The following SH3PXD2B variants were observed in gnomAD, a reference collection of about 807,000 sequenced individuals.
The protein encoded by SH3PXD2B is SH3 and PX domains 2B, also known as SH3 and PX domain-containing protein 2B.
A neutral mutation model predicts 73.1 loss-of-function variants in SH3PXD2B; 37 were observed. The ratio of observed to expected loss-of-function variants is 0.51; its 90% confidence interval spans 0.39 to 0.67. The LOEUF (loss-of-function observed/expected upper bound fraction) is 0.67, where lower values mean the gene tolerates loss of function less well. Ranked by LOEUF, SH3PXD2B falls within the 30% of genes least tolerant of loss-of-function variation. The pLI is 0.00. For synonymous variants in SH3PXD2B, 457 were observed against 480.5 expected (o/e 0.95, Z 0.64); for missense variants, 1,053 against 1,197.8 (o/e 0.88, Z 1.78).
chr5:172,387,585 C>T (rs1438465072), intron 4 of SH3PXD2B, among the ~76,000 whole-genome samples: 1 of 152,150 alleles, frequency 6.6e-6, no homozygotes, highest in Non-Finnish European at 1.5e-5. Flanking sequence ...TTAGGATGAG[C>T]TGATCCTGCC....
chr5:172,426,531 T>C (rs1323958184), intron 1 of SH3PXD2B, among the ~76,000 whole-genome samples: 3 of 152,216 alleles, frequency 2.0e-5, no homozygotes, highest in Non-Finnish European at 4.4e-5. Context: ...GTCTAGTACC[T>C]TCCCCTCCCC....
At chr5:172,394,699 C>T (rs1758257666) in intron 3 of SH3PXD2B, 60 bp from the exon 4 acceptor site, 1 of 1,580,212 alleles carries the variant, frequency 6.3e-7, no homozygotes, top group East Asian at 2.2e-5. Context: ...TCTCAGCAAC[C>T]TGAGAGGGTG....
chr5:172,403,415 C>T (rs1036867599), intron 3 of SH3PXD2B, among the ~76,000 whole-genome samples: 1 of 152,196 alleles, frequency 6.6e-6, no homozygotes, highest in Non-Finnish European at 1.5e-5. Context: ...CTGCCTTGGC[C>T]TCACCCTCGG....
At chr5:172,426,807 A>G (rs1009865503) in intron 1 of SH3PXD2B, among the ~76,000 whole-genome samples, 2 of 152,220 alleles carry the variant, frequency 1.3e-5, no homozygotes, top group Non-Finnish European at 2.9e-5. Context: ...CACAGAAGAA[A>G]GCAGAGCCAG....
chr5:172,416,630 CTTTT>C lies in SH3PXD2B; in HGVS notation c.156+5782_156+5785del, dbSNP rs144781943. Among the ~76,000 whole-genome samples the C allele has an allele frequency of 1.5e-3, 164 of 111,058 alleles. 2 individuals are homozygous for C. The highest frequency in any genetic ancestry group is 5.4e-3 in the African/African-American group (156 of 29,080). The allele number at this position is 111,058 out of a possible 152,430, so 72.9% of individuals were successfully genotyped here. On this transcript the variant is annotated intron_variant, in intron 2 of 12. Coordinates refer to ENST00000311601, the MANE Select transcript of SH3PXD2B (RefSeq NM_001017995.3). ...CGTGAGCCACTGCGCCCGGCCTCTA[CTTTT>C]TTTTTTTTTTTTTTTAAAAAGGACC...
At position 172,334,035 on chromosome 5, in the gene SH3PXD2B, C is replaced by T; in HGVS notation, c.*4334G>A. 8.5e-7 allele frequency: 1 copy of T among 1,173,368 alleles called. No homozygotes were observed. The allele number at this position is 1,173,368 out of a possible 1,614,324, so 72.7% of individuals were successfully genotyped here. On this transcript the variant is annotated 3_prime_UTR_variant, in exon 13 of 13. Coordinates refer to ENST00000311601, the MANE Select transcript of SH3PXD2B (RefSeq NM_001017995.3). ...ATAGGACATCTAAAAGTGAAGGCTA[C>T]CGACTGTGGCACTGCGTTTGGCCTC...
chr5:172,429,847 T>C (rs1349543637), intron 1 of SH3PXD2B, among the ~76,000 whole-genome samples: 1 of 152,196 alleles, frequency 6.6e-6, no homozygotes, highest in Non-Finnish European at 1.5e-5. Flanking sequence ...TGCCATGCCA[T>C]GCCCCAGCTT....
chr5:172,350,067 C>A (rs1007610310), intron 10 of SH3PXD2B, among the ~76,000 whole-genome samples: 1 of 152,164 alleles, frequency 6.6e-6, no homozygotes, highest in Non-Finnish European at 1.5e-5. Flanking sequence ...GTTGGCCAGG[C>A]TGGTCTTGAA....
chr5:172,367,470 C>A (rs1442038272), intron 6 of SH3PXD2B, among the ~76,000 whole-genome samples: 3 of 150,932 alleles, frequency 2.0e-5, no homozygotes, highest in African/African-American at 7.3e-5. Context: ...TCAACCAATC[C>A]ACTTGCCTCA....
At chr5:172,375,786 T>C (rs1349096135) in intron 5 of SH3PXD2B, among the ~76,000 whole-genome samples, 2 of 152,216 alleles carry the variant, frequency 1.3e-5, no homozygotes, top group African/African-American at 4.8e-5. Context: ...TTCCACTCTT[T>C]GGCTATTTTG....
At chr5:172,393,440 T>C (rs9313592) in intron 4 of SH3PXD2B, among the ~76,000 whole-genome samples, 64,470 of 152,086 alleles carry the variant, frequency 0.42, 14,850 homozygotes, top group East Asian at 0.66. Flanking sequence ...TTTGTCCTAA[T>C]ATTTTTTTGA....
chr5:172,335,253 T>A lies in SH3PXD2B; in HGVS notation c.*3116A>T, dbSNP rs1035263864. On this transcript the variant is annotated 3_prime_UTR_variant, in exon 13 of 13. Coordinates refer to ENST00000311601, the MANE Select transcript of SH3PXD2B (RefSeq NM_001017995.3). ...CAGGGGTGAGGGGAAGAAAAAAAAA[T>A]CTCTGCCCACCTTTTGGGCTGCCAT... The A allele has an allele frequency of 6.5e-6, 7 of 1,078,990 alleles. No individual in the cohort carries two copies. The highest frequency in any genetic ancestry group is 7.9e-6 in the Non-Finnish European group (7 of 891,540). The allele number at this position is 1,078,990 out of a possible 1,614,324, so 66.8% of individuals were successfully genotyped here. A position where few individuals can be genotyped will look rare whatever the true frequency, so the allele number is the denominator to read the frequency against.
At chr5:172,333,176 C>T (rs955096160), downstream of SH3PXD2B, among the ~76,000 whole-genome samples, 6 of 152,142 alleles carry the variant, frequency 3.9e-5, no homozygotes, top group Non-Finnish European at 7.4e-5. Flanking sequence ...CTCAGGTGAT[C>T]GGCCCGCCTC....
At chr5:172,423,550 G>GGC (rs1554141219) in intron 1 of SH3PXD2B, among the ~76,000 whole-genome samples, 2 of 145,930 alleles carry the variant, frequency 1.4e-5, no homozygotes. Flanking sequence ...GGGGTTGGGG[G>GGC]GGGGGGCGCA....
chr5:172,448,049 A>C (rs1006512368), intron 1 of SH3PXD2B, among the ~76,000 whole-genome samples: 2 of 152,226 alleles, frequency 1.3e-5, no homozygotes, highest in African/African-American at 2.4e-5. Flanking sequence ...AATAGTCGTT[A>C]AAGAAAAACC....
At chr5:172,442,364 G>T (rs71609716) in intron 1 of SH3PXD2B, among the ~76,000 whole-genome samples, 1,670 of 151,902 alleles carry the variant, frequency 0.011, 20 homozygotes, top group Non-Finnish European at 0.018. Context: ...ATATGATTTG[G>T]TTTTTTTCAT....
chr5:172,384,213 CGCTGCA>C (rs1758009569), intron 4 of SH3PXD2B, among the ~76,000 whole-genome samples: 1 of 152,124 alleles, frequency 6.6e-6, no homozygotes, highest in South Asian at 2.1e-4. Context: ...GATGTGCCGA[CGCTGCA>C]GCAGTACTGG....
At chr5:172,355,405 A>C (rs1257171674) in intron 8 of SH3PXD2B, among the ~76,000 whole-genome samples, 1 of 152,160 alleles carries the variant, frequency 6.6e-6, no homozygotes, top group Non-Finnish European at 1.5e-5. Context: ...GGAAGAATCC[A>C]ACCCCAGATG....
At position 172,349,902 on chromosome 5, in the gene SH3PXD2B, C is replaced by T. The variant is rs567318250; in HGVS notation, c.1012+461G>A. 7.2e-5 allele frequency among the ~76,000 whole-genome samples: 11 copies of T among 152,068 alleles called. No homozygotes were observed. In the South Asian group the frequency reaches 8.3e-4, roughly 12 times the overall value. On this transcript the variant is annotated intron_variant, in intron 10 of 12. Transcript: ENST00000311601. ...TTCACTCTTGTCGCCCAGGCTGGAG[C>T]GCGAGTGCAATGGTGCATCTTGGCT...
Sources: gnomAD v4.1 joint callset for allele counts (sites outside exome capture counted in the v4.1 genomes callset) on GRCh38, gnomAD v4.1.1 for gene constraint, MANE v1.5 for transcripts, NCBI Gene and HGNC (gene_info 2026-07-23, HGNC 2026-07-21) for gene names.